Variants in SLC4A5 observed in about 807,000 individuals in gnomAD.
The protein encoded by SLC4A5 is solute carrier family 4 member 5, also known as electrogenic sodium bicarbonate cotransporter 4.
In SLC4A5, 96 loss-of-function variants were observed where a neutral mutation model predicts 120.4. The observed-to-expected ratio is 0.80, with a 90% CI of 0.68 to 0.94. SLC4A5 has a LOEUF of 0.94. Among genes scored for constraint, SLC4A5 ranks in the 40% least tolerant of loss-of-function variants. The pLI is 0.00. For missense variants in SLC4A5, 1,259 were observed against 1,459.5 expected, an observed-to-expected ratio of 0.86 and a Z score of 2.24; for synonymous variants, 550 against 571.1, an observed-to-expected ratio of 0.96 and a Z score of 0.53.
chr2:74,222,023 C>A (rs1694667890), intron 29 of SLC4A5, among the ~76,000 whole-genome samples: 1 of 152,098 alleles, frequency 6.6e-6, no homozygotes. Flanking sequence ...CCAGTCCCTC[C>A]TAGGCAGCCT....
chr2:74,219,221 T>TGTGTGTGTG (rs1558861679), intron 30 of SLC4A5, among the ~76,000 whole-genome samples: 23 of 90,340 alleles, frequency 2.5e-4, no homozygotes, highest in South Asian at 1.8e-3. Flanking sequence ...GTGTGTGTGT[T>TGTGTGTGTG]TGTGTGTGTT....
intron 6 of SLC4A5, chr2:74,306,695 C>A (rs59553720): frequency 1.9e-6 from 2 of 1,046,534 alleles, no homozygotes; most frequent in Admixed American, 4.5e-5. Flanking sequence ...TGGCCTCCTG[C>A]TCCCCAAAGG....
chr2:74,279,798 T>C (rs769157934), intron 8 of SLC4A5, among the ~76,000 whole-genome samples: 12 of 152,210 alleles, frequency 7.9e-5, no homozygotes, highest in Non-Finnish European at 1.6e-4. Flanking sequence ...TACCATGAGG[T>C]ACTCACTAGC....
At chr2:74,298,512 A>T (rs1672393296) in intron 7 of SLC4A5, among the ~76,000 whole-genome samples, 1 of 152,256 alleles carries the variant, frequency 6.6e-6, no homozygotes, top group African/African-American at 2.4e-5. Context: ...TGGTCTTGGC[A>T]GTGATTTCTT....
In SLC4A5 at chr2:74,219,764, CATA is replaced by C. The variant is rs531063730; in HGVS notation, c.*34-975_*34-973del. Among the ~76,000 whole-genome samples, 588 of 152,232 alleles carry C rather than the reference CATA, an allele frequency of 3.9e-3. 3 individuals are homozygous for C. The highest frequency in any genetic ancestry group is 0.014 in the African/African-American group (562 of 41,526). On this transcript the variant is annotated intron_variant, in intron 30 of 30. Coordinates refer to ENST00000394019, the Ensembl canonical transcript of SLC4A5. ...TGAAAATAAGATAGACTGCTTTTCT[CATA>C]ATACCGGTGTATACTAATGTATAAA...
chr2:74,240,007 A>C (rs1405518367), intron 20 of SLC4A5, among the ~76,000 whole-genome samples: 4 of 149,066 alleles, frequency 2.7e-5, no homozygotes, highest in Non-Finnish European at 5.9e-5. Context: ...GTGAATTTTT[A>C]TATATAAATT....
In SLC4A5 at chr2:74,286,921, A is replaced by G. The variant is rs72903221; in HGVS notation, c.272-1019T>C. ...GAGCAAGGGACAGAGAGATGGCATGATGTCAAAGTGGTGACCAATGCCATG... is the reference window on the plus strand; with the variant it reads ...GAGCAAGGGACAGAGAGATGGCATGGTGTCAAAGTGGTGACCAATGCCATG... On this transcript the variant is annotated intron_variant, in intron 7 of 30. Transcript: ENST00000394019. Among the ~76,000 whole-genome samples the G allele has an allele frequency of 4.7e-3, 712 of 152,250 alleles. 5 individuals are homozygous for G. The highest frequency in any genetic ancestry group is 0.017 in the African/African-American group (688 of 41,514).
rs543024406 is a variant in SLC4A5, at chr2:74,238,034, G to A, written c.2319+1301C>T. On this transcript the variant is annotated intron_variant, in intron 21 of 30. Transcript: ENST00000394019. ...GGAGAATCACTTGAACCCGGGAGGCGGAGGTTGCAGTGAGCCGAGATCATG... is the reference window on the plus strand; with the variant it reads ...GGAGAATCACTTGAACCCGGGAGGCAGAGGTTGCAGTGAGCCGAGATCATG... Among the ~76,000 whole-genome samples the A allele has an allele frequency of 7.2e-5, 11 of 152,108 alleles. No individual in the cohort carries two copies. In the East Asian group the frequency reaches 1.5e-3, roughly 21 times the overall value.
intron 4 of SLC4A5, among the ~76,000 whole-genome samples, chr2:74,331,395 T>C (rs1157416716): frequency 6.6e-6 from 1 of 151,618 alleles, no homozygotes; most frequent in Non-Finnish European, 1.5e-5. Flanking sequence ...GAGGGTGTGA[T>C]GTGTAGATAG....
chr2:74,306,780 A>C, intron 6 of SLC4A5: 1 of 824,538 alleles, frequency 1.2e-6, no homozygotes, highest in Non-Finnish European at 1.9e-6. Context: ...GCCATCCACT[A>C]TCCAGTGGGT....
intron 8 of SLC4A5, among the ~76,000 whole-genome samples, chr2:74,269,349 G>A (rs1193857469): frequency 6.6e-6 from 1 of 151,898 alleles, no homozygotes; most frequent in African/African-American, 2.4e-5. Flanking sequence ...GGGATTACAG[G>A]TGCCTGCCAC....
chr2:74,339,045 G>A (rs2104357477), intron 2 of SLC4A5, 142 bp from the exon 3 acceptor site: 1 of 152,260 alleles, frequency 6.6e-6, no homozygotes, highest in South Asian at 2.1e-4. Context: ...AGGAAATGCT[G>A]GCTGTTATCA....
At chr2:74,294,165 A>C (rs1672258859) in intron 7 of SLC4A5, among the ~76,000 whole-genome samples, 1 of 152,290 alleles carries the variant, frequency 6.6e-6, no homozygotes, top group East Asian at 1.9e-4. Context: ...AGACTCAGTC[A>C]AGGCTAGCTG....
intron 10 of SLC4A5, among the ~76,000 whole-genome samples, chr2:74,263,284 C>G (rs1485504144): frequency 6.6e-6 from 1 of 152,170 alleles, no homozygotes; most frequent in Non-Finnish European, 1.5e-5. Flanking sequence ...GGGGTTTATG[C>G]CATGTCACCC....
intron 14 of SLC4A5, 112 bp from the exon 15 acceptor site, chr2:74,253,240 C>A (rs2103996405): frequency 7.9e-7 from 1 of 1,271,708 alleles, no homozygotes; most frequent in East Asian, 2.5e-5. Context: ...TCTCCCACTG[C>A]CAACTCACTC....
At chr2:74,279,617 A>G (rs1671747114) in intron 8 of SLC4A5, among the ~76,000 whole-genome samples, 1 of 151,980 alleles carries the variant, frequency 6.6e-6, no homozygotes, top group Admixed American at 6.6e-5. Flanking sequence ...ATGCTTCTCT[A>G]CTGAACTCCA....
At chr2:74,316,781 T>C (rs1672978200) in intron 5 of SLC4A5, among the ~76,000 whole-genome samples, 1 of 152,226 alleles carries the variant, frequency 6.6e-6, no homozygotes, top group African/African-American at 2.4e-5. Context: ...ACCAACCCCC[T>C]GCTCCATAAG....
At chr2:74,231,262 A>C (rs1307381620) in exon 25 of SLC4A5, 2 of 1,611,870 alleles carry the variant, frequency 1.2e-6, no homozygotes, top group East Asian at 4.5e-5. Context: ...AGGAAGACAG[A>C]GATTCCCGTC....
chr2:74,322,728 A>T (rs1673126480), intron 5 of SLC4A5, among the ~76,000 whole-genome samples: 2 of 152,192 alleles, frequency 1.3e-5, no homozygotes, highest in African/African-American at 4.8e-5. Context: ...ATGAGATAAT[A>T]GTCTCAGGCA....
Sources: gnomAD v4.1 joint callset for allele counts (sites outside exome capture counted in the v4.1 genomes callset) on GRCh38, gnomAD v4.1.1 for gene constraint, MANE v1.5 for transcripts, NCBI Gene and HGNC (gene_info 2026-07-23, HGNC 2026-07-21) for gene names.